STYX: variants seen among roughly 807,000 people sequenced by gnomAD.
STYX encodes the protein serine/threonine/tyrosine interacting protein, also known as serine/threonine/tyrosine-interacting protein.
In STYX, 20 loss-of-function variants were observed where a neutral mutation model predicts 42.7. The observed-to-expected ratio is 0.47, with a 90% CI of 0.33 to 0.68. The LOEUF (loss-of-function observed/expected upper bound fraction) is 0.68, where lower values mean the gene tolerates loss of function less well. Among genes scored for constraint, STYX ranks in the 30% least tolerant of loss-of-function variants. The pLI is 0.02. For missense variants in STYX, 226 were observed against 268.5 expected, an observed-to-expected ratio of 0.84 and a Z score of 1.11; for synonymous variants, 78 against 81.9, an observed-to-expected ratio of 0.95 and a Z score of 0.26.
chr14:52,771,118 A>G lies in STYX; in HGVS notation c.*12A>G, dbSNP rs373178004. ...CACAGAATGGCTGACTTGAAGAGCA[A>G]CATCATAGAGTGTGAATTTCTATTT... On this transcript the variant is annotated 3_prime_UTR_variant, in exon 11 of 11. Transcript: ENST00000354586. The G allele has an allele frequency of 3.6e-5, 57 of 1,603,056 alleles. No homozygotes were observed. The Admixed American group carries it at 3.7e-4, about 10-fold the overall frequency.
chr14:52,753,340 C>T (rs1291582900), intron 4 of STYX, among the ~76,000 whole-genome samples: 4 of 151,836 alleles, frequency 2.6e-5, no homozygotes, highest in African/African-American at 4.8e-5. Context: ...TGTGAGCCAC[C>T]GCACCTGGCC....
At chr14:52,742,739 T>C (rs1318268045) in intron 1 of STYX, among the ~76,000 whole-genome samples, 1 of 151,964 alleles carries the variant, frequency 6.6e-6, no homozygotes, top group Non-Finnish European at 1.5e-5. Flanking sequence ...ACAGGGGACT[T>C]CCTTATGCTG....
At chr14:52,732,239 A>T (rs1461463438) in intron 1 of STYX, among the ~76,000 whole-genome samples, 2 of 142,014 alleles carry the variant, frequency 1.4e-5, no homozygotes, top group African/African-American at 2.6e-5. Flanking sequence ...GTAGCTGGGG[A>T]TTACAGGCGC....
In STYX at chr14:52,772,992, C is replaced by G. The variant is rs1187357681; in HGVS notation, c.*1886C>G. 1 of 152,000 alleles carries G rather than the reference C, an allele frequency of 6.6e-6. No individual in the cohort carries two copies. The highest frequency in any genetic ancestry group is 2.4e-5 in the African/African-American group (1 of 41,374). 9.4% of individuals were successfully genotyped at this position (152,000 alleles called of 1,614,324 possible). A position where few individuals can be genotyped will look rare whatever the true frequency, so the allele number is the denominator to read the frequency against. On this transcript the variant is annotated 3_prime_UTR_variant, in exon 11 of 11. Coordinates refer to ENST00000354586, the MANE Select transcript of STYX (RefSeq NM_145251.4). ...TAACACAGCTTTCCTGTATATAGAT[C>G]ACTATTGGGCAGGTCAGCAAAGATC... is the stretch of plus-strand genomic sequence containing the variant.
intron 6 of STYX, 129 bp from the exon 7 acceptor site, chr14:52,757,614 C>A: frequency 1.1e-6 from 1 of 892,688 alleles, no homozygotes; most frequent in Non-Finnish European, 1.7e-6. Context: ...TTGATAATAA[C>A]AAATTGTAAA....
intron 9 of STYX, among the ~76,000 whole-genome samples, chr14:52,764,219 CTGACCTCATGA>C (rs2139931674): frequency 6.6e-6 from 1 of 152,260 alleles, no homozygotes; most frequent in South Asian, 2.1e-4. Flanking sequence ...TCTCGAACTC[CTGACCTCATGA>C]TCCTCCCACC....
chr14:52,756,814 A>T (rs1202868557), intron 5 of STYX, among the ~76,000 whole-genome samples: 4 of 151,178 alleles, frequency 2.6e-5, no homozygotes, highest in Non-Finnish European at 5.9e-5. Context: ...CAGCCTCCCA[A>T]GTGGCTGGGA....
In STYX at chr14:52,772,201, G is replaced by A. The variant is rs1283742587; in HGVS notation, c.*1095G>A. 11 of 152,064 alleles carry A rather than the reference G, an allele frequency of 7.2e-5. No individual in the cohort carries two copies. Among genetic ancestry groups the A allele is most frequent in the African/African-American group, 2.7e-4 (11 of 41,422 alleles). The allele number at this position is 152,064 out of a possible 1,614,324, so 9.4% of individuals were successfully genotyped here. On this transcript the variant is annotated 3_prime_UTR_variant, in exon 11 of 11. Coordinates refer to ENST00000354586, the MANE Select transcript of STYX (RefSeq NM_145251.4). ...AAGTACGAGGCTGGAAGAAATATTAGTAAATTATTTGGAATATAGAATGTT... is the reference window on the plus strand; with the variant it reads ...AAGTACGAGGCTGGAAGAAATATTAATAAATTATTTGGAATATAGAATGTT...
chr14:52,760,218 CT>C (rs994908532), intron 9 of STYX, among the ~76,000 whole-genome samples: 1 of 151,138 alleles, frequency 6.6e-6, no homozygotes, highest in African/African-American at 2.5e-5. Flanking sequence ...ATTAAAAAAA[CT>C]TTTTTTTCTT....
intron 4 of STYX, among the ~76,000 whole-genome samples, chr14:52,754,545 A>G (rs367548516): frequency 6.6e-6 from 1 of 152,162 alleles, no homozygotes; most frequent in African/African-American, 2.4e-5. Flanking sequence ...GTACTTCGGA[A>G]GGTATAGAAT....
chr14:52,752,949 T>C (rs1465105881), intron 4 of STYX, among the ~76,000 whole-genome samples: 5 of 148,078 alleles, frequency 3.4e-5, no homozygotes, highest in African/African-American at 9.9e-5. Context: ...GGTGTGATCT[T>C]GGCTCACTGC....
chr14:52,755,137 T>G (rs1881809023), intron 4 of STYX, among the ~76,000 whole-genome samples: 1 of 151,242 alleles, frequency 6.6e-6, no homozygotes, highest in South Asian at 2.1e-4. Context: ...TTTTTTTTGT[T>G]TTTGAAACAG....
At chr14:52,742,068 C>T (rs1881216267) in intron 1 of STYX, among the ~76,000 whole-genome samples, 2 of 152,086 alleles carry the variant, frequency 1.3e-5, no homozygotes, top group Non-Finnish European at 2.9e-5. Flanking sequence ...ATGCAATCTA[C>T]CCAGGACCAC....
chr14:52,740,952 A>T (rs942565050), intron 1 of STYX, among the ~76,000 whole-genome samples: 7 of 152,166 alleles, frequency 4.6e-5, no homozygotes, highest in Non-Finnish European at 7.3e-5. Flanking sequence ...ATCAACATAG[A>T]TTAGTTTTCC....
rs139998040 is a variant in STYX, at chr14:52,764,579, T to C, written c.505-4261T>C. On this transcript the variant is annotated intron_variant, in intron 9 of 10. Transcript: ENST00000354586. ...TATGCTTTCTGTTTTAAATGAATCC[T>C]TTTTTTAACCTTCTGCTATAGTTTA... 8.5e-5 allele frequency among the ~76,000 whole-genome samples: 13 copies of C among 152,120 alleles called. No individual in the cohort carries two copies. The East Asian group carries it at 2.5e-3, about 29-fold the overall frequency.
At chr14:52,741,902 A>G (rs1333229012) in intron 1 of STYX, among the ~76,000 whole-genome samples, 3 of 152,094 alleles carry the variant, frequency 2.0e-5, no homozygotes, top group Non-Finnish European at 4.4e-5. Flanking sequence ...AGTGTAACTC[A>G]GTTGTTTCTG....
chr14:52,754,419 C>T (rs2139912556), intron 4 of STYX, among the ~76,000 whole-genome samples: 1 of 148,852 alleles, frequency 6.7e-6, no homozygotes, highest in African/African-American at 2.5e-5. Context: ...TGCTGTGTTG[C>T]CCAGGCTGTT....
Position 52,774,947 on chromosome 14 carries a change from T to C in STYX, c.*3841T>C, listed in dbSNP as rs946231872. The C allele has an allele frequency of 1.3e-5, 2 of 152,182 alleles. No homozygotes were observed. Among genetic ancestry groups the C allele is most frequent in the African/African-American group, 4.8e-5 (2 of 41,434 alleles). The allele number at this position is 152,182 out of a possible 1,614,324, so 9.4% of individuals were successfully genotyped here. On this transcript the variant is annotated 3_prime_UTR_variant, in exon 11 of 11. Coordinates refer to ENST00000354586, the MANE Select transcript of STYX (RefSeq NM_145251.4). ...AAGTATTAAAATTATTTTGTGAAGA[T>C]TGGTGGTTGTATTAAAACTGCTGTG...
chr14:52,763,091 C>T (rs1226625851), intron 9 of STYX, among the ~76,000 whole-genome samples: 2 of 151,874 alleles, frequency 1.3e-5, no homozygotes, highest in Non-Finnish European at 2.9e-5. Flanking sequence ...CGAGGTTTCA[C>T]CACATTGGCC....
Sources: gnomAD v4.1 joint callset for allele counts (sites outside exome capture counted in the v4.1 genomes callset) on GRCh38, gnomAD v4.1.1 for gene constraint, MANE v1.5 for transcripts, NCBI Gene and HGNC (gene_info 2026-07-23, HGNC 2026-07-21) for gene names.